The following DOCK2 variants were observed in gnomAD, a reference collection of about 807,000 sequenced individuals.
DOCK2 encodes dedicator of cytokinesis protein 2.
In DOCK2, 87 loss-of-function variants were observed where a neutral mutation model predicts 248.9. The ratio of observed to expected loss-of-function variants is 0.35; its 90% CI spans 0.29 to 0.42. The LOEUF (loss-of-function observed/expected upper bound fraction) is 0.42, where lower values mean the gene tolerates loss of function less well. Ranked by LOEUF, DOCK2 falls within the 10% of genes least tolerant of loss-of-function variation. The pLI is 1.00. For missense variants in DOCK2, 1,747 were observed against 2,300.2 expected (o/e 0.76, Z 4.92); for synonymous variants, 805 against 821.6 (o/e 0.98, Z 0.35).
At chr5:169,882,669 G>A (rs1341608251) in intron 27 of DOCK2, 17 of 1,552,048 alleles carry the variant, frequency 1.1e-5, no homozygotes, top group South Asian at 8.3e-5. Flanking sequence ...CTTGGAGGTC[G>A]CAGAGTTCAC....
At chr5:170,021,675 T>G (rs190512458) in intron 33 of DOCK2, among the ~76,000 whole-genome samples, 124 of 152,282 alleles carry the variant, frequency 8.1e-4, no homozygotes, top group African/African-American at 2.9e-3. Flanking sequence ...CGCAGCTCCC[T>G]TATCAAAAAA....
At chr5:169,798,517 C>T (rs6891722) in intron 25 of DOCK2, among the ~76,000 whole-genome samples, 18,563 of 152,134 alleles carry the variant, frequency 0.12, 1,408 homozygotes, top group Non-Finnish European at 0.17. Flanking sequence ...GATTTATGTG[C>T]GGTATCTCAA....
At chr5:169,817,794 G>A (rs765021594) in intron 26 of DOCK2, among the ~76,000 whole-genome samples, 8 of 152,110 alleles carry the variant, frequency 5.3e-5, no homozygotes, top group Non-Finnish European at 8.8e-5. Flanking sequence ...CGTTTCTCCC[G>A]TATTTCCACA....
chr5:169,794,700 G>A (rs921681312), intron 25 of DOCK2, among the ~76,000 whole-genome samples: 4 of 152,124 alleles, frequency 2.6e-5, no homozygotes, highest in South Asian at 4.1e-4. Context: ...CGAGGCGGGC[G>A]GATCACGAGG....
intron 20 of DOCK2, among the ~76,000 whole-genome samples, chr5:169,716,957 C>T (rs1761945468): frequency 6.6e-6 from 1 of 152,190 alleles, no homozygotes; most frequent in Non-Finnish European, 1.5e-5. Flanking sequence ...GTGGCTTAAT[C>T]AAGTGCTTCC....
At chr5:169,979,371 G>A (rs1777858475) in intron 27 of DOCK2, among the ~76,000 whole-genome samples, 3 of 152,222 alleles carry the variant, frequency 2.0e-5, no homozygotes, top group African/African-American at 7.2e-5. Flanking sequence ...AACTTGTACA[G>A]AGGGGCAGGA....
At chr5:169,903,480 G>T (rs1395190770) in intron 27 of DOCK2, among the ~76,000 whole-genome samples, 4 of 151,112 alleles carry the variant, frequency 2.6e-5, no homozygotes, top group African/African-American at 9.7e-5. Flanking sequence ...CTCCTCAAGG[G>T]CAGGGTTGTC....
intron 27 of DOCK2, among the ~76,000 whole-genome samples, chr5:169,971,207 G>T (rs1346489123): frequency 2.7e-5 from 4 of 150,548 alleles, no homozygotes; most frequent in Non-Finnish European, 5.9e-5. Context: ...AAATGAGTAT[G>T]ACATCATCTG....
chr5:169,917,824 T>A (rs1774958428), intron 27 of DOCK2, among the ~76,000 whole-genome samples: 2 of 152,138 alleles, frequency 1.3e-5, no homozygotes, highest in Admixed American at 1.3e-4. Flanking sequence ...GACTGGTAAT[T>A]AAGGAGGAGT....
rs1754722771 is a variant in DOCK2, at chr5:169,998,456, T to C, written c.3072+2292T>C. 2.0e-5 allele frequency among the ~76,000 whole-genome samples: 3 copies of C among 152,184 alleles called. No individual in the cohort carries two copies. The South Asian group carries it at 6.2e-4, about 32-fold the overall frequency. ...TTCAAATCAGGCAACTGAGTGACAA[T>C]GAGAGCGATAATAAAATGCGTAGCT... is the stretch of plus-strand genomic sequence containing the variant. On this transcript the variant is annotated intron_variant, in intron 30 of 51. Transcript: ENST00000520908.
intron 35 of DOCK2, 93 bp downstream of exon 35, chr5:170,034,648 C>G (rs1756260702): frequency 2.0e-6 from 3 of 1,518,974 alleles, no homozygotes; most frequent in South Asian, 1.2e-5. Context: ...CATAGGGAAG[C>G]AGTGCTTAAG....
At chr5:170,012,817 T>C (rs1755352888) in intron 32 of DOCK2, among the ~76,000 whole-genome samples, 1 of 152,242 alleles carries the variant, frequency 6.6e-6, no homozygotes, top group African/African-American at 2.4e-5. Flanking sequence ...TCACTTGGGT[T>C]AACACTGAGC....
intron 27 of DOCK2, among the ~76,000 whole-genome samples, chr5:169,972,471 G>A (rs1777538371): frequency 8.4e-6 from 1 of 118,358 alleles, no homozygotes; most frequent in Non-Finnish European, 1.7e-5. Flanking sequence ...CATCACTTTT[G>A]ACAATGAAAA....
At position 170,079,146 on chromosome 5, in the gene DOCK2, G is replaced by T. The variant is rs774905346; in HGVS notation, c.5166G>T (p.Arg1722=). 9.9e-5 allele frequency: 159 copies of T among 1,612,912 alleles called. No individual in the cohort carries two copies. The highest frequency in any genetic ancestry group is 1.3e-4 in the Non-Finnish European group (154 of 1,179,856). The change falls in exon 49 of 52, where the codon CGG becomes CGT. Residue 1722 remains arginine (R), a splice_region_variant and synonymous_variant. Transcript: ENST00000520908. ...EKAAAESDLK[R]LSRKHEFMSD... is the part of the protein sequence containing the mutation. ...CAGCTGCAGAGTCGGACCTGAAGCG[G>T]GTGAGTGGCTGAGGCAGATTGCCTC...
intron 21 of DOCK2, 146 bp from the exon 22 acceptor site, chr5:169,718,511 C>A: frequency 2.6e-6 from 2 of 756,700 alleles, no homozygotes; most frequent in Non-Finnish European, 3.8e-6. Context: ...AATTTTTATG[C>A]AGAGTTATCT....
chr5:170,059,281 G>A (rs532347183), intron 44 of DOCK2, among the ~76,000 whole-genome samples: 3 of 149,964 alleles, frequency 2.0e-5, no homozygotes, highest in Non-Finnish European at 4.4e-5. Flanking sequence ...CTGTGTCAAA[G>A]GTTTATAGCT....
chr5:169,902,302 C>T (rs575417172), intron 27 of DOCK2, among the ~76,000 whole-genome samples: 48 of 152,322 alleles, frequency 3.2e-4, no homozygotes, highest in South Asian at 2.7e-3. Context: ...TGACTGTGGA[C>T]GAGGCCATCT....
At chr5:169,915,794 T>C (rs1581410843) in intron 27 of DOCK2, among the ~76,000 whole-genome samples, 1 of 152,194 alleles carries the variant, frequency 6.6e-6, no homozygotes, top group African/African-American at 2.4e-5. Context: ...TGGAAATCAA[T>C]GATATCCCAA....
At chr5:169,684,394 C>G in intron 8 of DOCK2, 44 bp downstream of exon 8, 1 of 1,602,042 alleles carries the variant, frequency 6.2e-7, no homozygotes, top group Non-Finnish European at 8.5e-7. Context: ...CTATGGGAAG[C>G]AGTGCACAGA....
Sources: allele counts gnomAD v4.1 joint callset (sites outside exome capture counted in the v4.1 genomes callset), GRCh38; gene constraint gnomAD v4.1.1; transcripts MANE v1.5; gene names NCBI Gene and HGNC (gene_info 2026-07-23, HGNC 2026-07-21).